The following DNAH14 variants were observed in gnomAD, a reference collection of about 807,000 sequenced individuals.
DNAH14 encodes the protein dynein axonemal heavy chain 14.
DNAH14 carries 478 observed loss-of-function variants against 520.9 expected under a neutral mutation model. The observed-to-expected ratio is 0.92, with a 90% confidence interval of 0.85 to 0.99. DNAH14 has a LOEUF of 0.99. Ranked by LOEUF, DNAH14 falls within the 50% of genes least tolerant of loss-of-function variation. DNAH14 has a pLI of 0.00. For synonymous variants in DNAH14, 1,581 were observed against 1,757.2 expected, an observed-to-expected ratio of 0.90 and a Z score of 2.51; for missense variants, 4,831 against 5,234.5, an observed-to-expected ratio of 0.92 and a Z score of 2.38.
chr1:225,284,358 G>A (rs901209497), intron 54 of DNAH14, among the ~76,000 whole-genome samples: 7 of 151,980 alleles, frequency 4.6e-5, no homozygotes, highest in Admixed American at 4.6e-4. Context: ...GATTATAAGA[G>A]AATACTATGA....
At chr1:225,301,217 A>T (rs1033916525) in intron 56 of DNAH14, among the ~76,000 whole-genome samples, 187 bp downstream of exon 56, 5 of 152,150 alleles carry the variant, frequency 3.3e-5, no homozygotes, top group African/African-American at 2.4e-5. Flanking sequence ...ACTAACATGA[A>T]TCTGAGCCTG....
intron 77 of DNAH14, among the ~76,000 whole-genome samples, chr1:225,368,797 T>C (rs1325312092): frequency 6.6e-6 from 1 of 152,190 alleles, no homozygotes; most frequent in African/African-American, 2.4e-5. Flanking sequence ...CTTCTATATG[T>C]TTCCATTAGG....
At position 225,207,159 on chromosome 1, in the gene DNAH14, C is replaced by A; in HGVS notation, c.6378C>A (p.Thr2126=). The A allele has an allele frequency of 6.5e-7, 1 of 1,544,440 alleles. No homozygotes were observed. Among genetic ancestry groups the A allele is most frequent in the Non-Finnish European group, 8.7e-7 (1 of 1,144,208 alleles). Residue 2126 remains threonine (T), a synonymous_variant, in exon 41 of 86, where the codon ACC becomes ACA. Coordinates refer to ENST00000682510, the MANE Select transcript of DNAH14 (RefSeq NM_001367479.1). The stretch of plus-strand genomic sequence containing the variant: ...TGGAGGACATAACAGTCGTCATAAC[C>A]CTCTGCAGAATTCTTGATGCTTTCT... ...YPMEDITVVI[T]LCRILDAFFD... is the part of the protein sequence containing the mutation.
Position 225,007,435 on chromosome 1 carries a change from C to A in DNAH14, c.998C>A (p.Ser333Tyr). The change falls in exon 10 of 86, where the codon TCT (serine) becomes TAT (tyrosine). Residue 333 changes from serine to tyrosine, a missense_variant. Ser to Tyr is a moderately radical substitution (Grantham distance 144). Coordinates refer to ENST00000682510, the MANE Select transcript of DNAH14 (RefSeq NM_001367479.1). ...TAGCTGGATAGTTCTCGAACATATTCTCTAGATGAATTTTGTGAAGAGCAG... is the reference window on the plus strand; with the variant it reads ...TAGCTGGATAGTTCTCGAACATATTATCTAGATGAATTTTGTGAAGAGCAG... The part of the protein sequence containing the change: ...LVKLDSSRTY[S>Y]LDEFCEEQLQ... The A allele has an allele frequency of 6.5e-7, 1 of 1,538,018 alleles. No homozygotes were observed. The highest frequency in any genetic ancestry group is 1.2e-5 in the South Asian group (1 of 82,300).
Position 225,346,230 on chromosome 1 carries a change from A to G in DNAH14, c.10947A>G (p.Gln3649=). 6.4e-7 allele frequency: 1 copy of G among 1,551,722 alleles called. No individual in the cohort carries two copies. The highest frequency in any genetic ancestry group is 8.7e-7 in the Non-Finnish European group (1 of 1,146,984). Reference sequence around the variant, plus strand: ...CAGTAGTTTCCAAAAGCAAAGAACAAGAACATAGTTTTAAAAGGGAGAAAG... The same window carrying G: ...CAGTAGTTTCCAAAAGCAAAGAACAGGAACATAGTTTTAAAAGGGAGAAAG... ...VSSVVSKSKE[Q]EHSFKREKVS... is the part of the protein sequence containing the mutation. Residue 3649 remains glutamine (Q), a synonymous_variant, in exon 70 of 86, where the codon CAA becomes CAG. Coordinates refer to ENST00000682510, the MANE Select transcript of DNAH14 (RefSeq NM_001367479.1).
At chr1:225,393,791 C>T (rs2095955836) in intron 84 of DNAH14, among the ~76,000 whole-genome samples, 1 of 151,652 alleles carries the variant, frequency 6.6e-6, no homozygotes, top group South Asian at 2.1e-4. Flanking sequence ...TTCTAGTGGA[C>T]GTGCAGTGAT....
intron 41 of DNAH14, among the ~76,000 whole-genome samples, chr1:225,226,848 T>A (rs1051829879): frequency 1.3e-5 from 2 of 151,986 alleles, no homozygotes; most frequent in Non-Finnish European, 2.9e-5. Context: ...GGGGAGAGGG[T>A]TAGCAGGAAA....
At chr1:225,312,059 T>A (rs1022431517) in intron 60 of DNAH14, among the ~76,000 whole-genome samples, 1 of 152,226 alleles carries the variant, frequency 6.6e-6, no homozygotes, top group African/African-American at 2.4e-5. Flanking sequence ...TTCCTGATAT[T>A]GATTCTTCCT....
chr1:225,369,584 C>A (rs1034760012), intron 77 of DNAH14, among the ~76,000 whole-genome samples: 11 of 151,786 alleles, frequency 7.2e-5, no homozygotes, highest in Non-Finnish European at 1.6e-4. Context: ...CAAAAAACCT[C>A]CATCAGGATT....
intron 32 of DNAH14, 116 bp downstream of exon 32, chr1:225,152,189 C>A: frequency 2.4e-6 from 2 of 836,652 alleles, no homozygotes; most frequent in Non-Finnish European, 3.7e-6. Flanking sequence ...TCTCCACCAT[C>A]CTCTGAACAC....
At chr1:225,033,987 A>G (rs142346472) in intron 11 of DNAH14, among the ~76,000 whole-genome samples, 9 of 151,850 alleles carry the variant, frequency 5.9e-5, no homozygotes, top group African/African-American at 1.7e-4. Flanking sequence ...AACTATAGGT[A>G]AAGAATCATG....
Position 225,204,272 on chromosome 1 carries a change from CAGTA to C in DNAH14, c.5977+3_5977+6del, listed in dbSNP as rs745922822. 109 of 1,443,214 alleles carry C rather than the reference CAGTA, an allele frequency of 7.6e-5. No individual in the cohort carries two copies. Among genetic ancestry groups the C allele is most frequent in the Middle Eastern group, 1.7e-4 (1 of 5,744 alleles). The allele number at this position is 1,443,214 out of a possible 1,614,324, so 89.4% of individuals were successfully genotyped here. ...AAGTTGTTAAAATTCCAGAAAATCA[CAGTA>C]AGTGTTACTAAATTCAAGAAAGATT... On this transcript the variant is annotated splice_donor_variant and splice_donor_region_variant and coding_sequence_variant and intron_variant, in exon 39 of 86. Transcript: ENST00000682510. LOFTEE classifies it high-confidence loss of function.
intron 23 of DNAH14, among the ~76,000 whole-genome samples, chr1:225,110,823 A>G (rs1189017022): frequency 6.6e-6 from 1 of 151,832 alleles, no homozygotes; most frequent in Non-Finnish European, 1.5e-5. Context: ...AAGTTTTGGT[A>G]TGTTGTGTTT....
intron 55 of DNAH14, among the ~76,000 whole-genome samples, chr1:225,291,448 C>A (rs2093887261): frequency 6.6e-6 from 1 of 151,848 alleles, no homozygotes; most frequent in African/African-American, 2.4e-5. Flanking sequence ...ACAGAGTATT[C>A]CTCTGTCACC....
chr1:225,374,301 G>A (rs111406891), intron 77 of DNAH14, among the ~76,000 whole-genome samples: 1,618 of 136,508 alleles, frequency 0.012, 25 homozygotes, highest in African/African-American at 0.042. Context: ...TCACTCTGTC[G>A]CCCAGGCTGG....
At chr1:225,271,018 T>C (rs908059530) in intron 50 of DNAH14, among the ~76,000 whole-genome samples, 152 bp downstream of exon 50, 3 of 152,210 alleles carry the variant, frequency 2.0e-5, no homozygotes, top group African/African-American at 4.8e-5. Context: ...TATAATTTGG[T>C]TCTACATATC....
At chr1:225,063,483 G>A (rs2070447871) in intron 17 of DNAH14, among the ~76,000 whole-genome samples, 1 of 152,046 alleles carries the variant, frequency 6.6e-6, no homozygotes, top group Non-Finnish European at 1.5e-5. Context: ...CAGACATGGA[G>A]GGCTGACTGT....
rs535123135 is a variant in DNAH14 at position 225,201,455 on chromosome 1, A to G, written c.5887-2728A>G. On this transcript the variant is annotated intron_variant, in intron 38 of 85. Coordinates refer to ENST00000682510, the MANE Select transcript of DNAH14 (RefSeq NM_001367479.1). Reference sequence around the variant, plus strand: ...TAAAGAACCTTGTTTTCTCATACTAACAGAGTTGGTTTTCTGGTTCTTTCT... The same window carrying G: ...TAAAGAACCTTGTTTTCTCATACTAGCAGAGTTGGTTTTCTGGTTCTTTCT... Among the ~76,000 whole-genome samples, 9 of 152,164 alleles carry G rather than the reference A, an allele frequency of 5.9e-5. No homozygotes were observed. In the East Asian group the frequency reaches 1.7e-3, roughly 30 times the overall value.
chr1:225,260,224 T>C (rs1574356826), intron 46 of DNAH14, among the ~76,000 whole-genome samples: 1 of 151,872 alleles, frequency 6.6e-6, no homozygotes, highest in Non-Finnish European at 1.5e-5. Context: ...TGGTGGCAGG[T>C]GCCTGTAATC....
Sources: allele counts gnomAD v4.1 joint callset (sites outside exome capture counted in the v4.1 genomes callset), GRCh38; gene constraint gnomAD v4.1.1; transcripts MANE v1.5; gene names NCBI Gene and HGNC (gene_info 2026-07-23, HGNC 2026-07-21).